The following PCDH9 variants were observed in gnomAD, a reference collection of about 807,000 sequenced individuals.
PCDH9 encodes the protein protocadherin-9.
Under a neutral mutation model 70.6 loss-of-function variants are expected in PCDH9, and 24 were observed. The observed-to-expected ratio is 0.34, with a 90% CI of 0.25 to 0.48. PCDH9 has a LOEUF of 0.48. PCDH9 is among the 20% of genes least tolerant of loss of function. PCDH9 has a pLI of 0.99. For missense variants in PCDH9, 1,281 were observed against 1,503.6 expected (o/e 0.85, Z 2.45); for synonymous variants, 562 against 558.5 (o/e 1.01, Z -0.09).
chr13:67,139,945 T>C (rs891874182), intron 2 of PCDH9, among the ~76,000 whole-genome samples: 1 of 151,944 alleles, frequency 6.6e-6, no homozygotes, highest in Non-Finnish European at 1.5e-5. Context: ...AGAATAGTTT[T>C]CTTTCTCTGA....
chr13:66,690,456 G>A (rs1464728374), intron 3 of PCDH9, among the ~76,000 whole-genome samples: 1 of 152,078 alleles, frequency 6.6e-6, no homozygotes, highest in Non-Finnish European at 1.5e-5. Flanking sequence ...ACATTTGCTT[G>A]ATATTAGGGT....
chr13:66,374,503 C>G (rs998877481), intron 4 of PCDH9, among the ~76,000 whole-genome samples: 6 of 152,058 alleles, frequency 3.9e-5, no homozygotes, highest in Admixed American at 6.6e-5. Context: ...GCTTGGTACT[C>G]TACACGTTAT....
At chr13:67,224,797 C>A (rs1174634300) in intron 2 of PCDH9, 6 of 866,624 alleles carry the variant, frequency 6.9e-6, no homozygotes, top group Non-Finnish European at 4.1e-6. Flanking sequence ...TATTAAGTAC[C>A]GAATTTAATA....
chr13:66,730,899 T>TG (rs1593967320), intron 3 of PCDH9, among the ~76,000 whole-genome samples: 1 of 142,182 alleles, frequency 7.0e-6, no homozygotes, highest in Non-Finnish European at 1.5e-5. Flanking sequence ...TTGTTTCTTT[T>TG]TTTTTGTGGA....
intron 4 of PCDH9, among the ~76,000 whole-genome samples, chr13:66,560,982 A>AGT (rs1961988365): frequency 6.6e-6 from 1 of 152,210 alleles, no homozygotes; most frequent in African/African-American, 2.4e-5. Flanking sequence ...GGAGCCCTTC[A>AGT]GCCTGCCGCT....
At chr13:66,748,340 T>C (rs1009541307) in intron 3 of PCDH9, among the ~76,000 whole-genome samples, 1 of 152,182 alleles carries the variant, frequency 6.6e-6, no homozygotes, top group Non-Finnish European at 1.5e-5. Context: ...TTTTATGCAT[T>C]TGTCAAAAGT....
At chr13:66,994,789 A>T (rs2084077179) in intron 2 of PCDH9, among the ~76,000 whole-genome samples, 1 of 152,166 alleles carries the variant, frequency 6.6e-6, no homozygotes, top group South Asian at 2.1e-4. Flanking sequence ...AACTGTACTG[A>T]CTTTTTACCC....
At chr13:66,865,917 A>G (rs1226935052) in intron 3 of PCDH9, among the ~76,000 whole-genome samples, 3 of 152,186 alleles carry the variant, frequency 2.0e-5, no homozygotes, top group Non-Finnish European at 2.9e-5. Flanking sequence ...TGTAGAATTC[A>G]AGGCTATCCT....
intron 3 of PCDH9, among the ~76,000 whole-genome samples, chr13:66,867,241 A>G (rs531095303): frequency 6.6e-6 from 1 of 152,216 alleles, no homozygotes; most frequent in South Asian, 2.1e-4. Flanking sequence ...CCATTATACT[A>G]TTTCCCAGTT....
chr13:67,222,933 AT>A (rs910567448), intron 2 of PCDH9: 7 of 152,206 alleles, frequency 4.6e-5, no homozygotes, highest in Admixed American at 3.3e-4. Context: ...ATCCAAAAAA[AT>A]GTACATATTA....
intron 3 of PCDH9, among the ~76,000 whole-genome samples, chr13:66,758,166 G>A (rs894313154): frequency 3.3e-5 from 5 of 151,926 alleles, no homozygotes; most frequent in Non-Finnish European, 5.9e-5. Flanking sequence ...GTTAAATCTA[G>A]CTATTTAACA....
chr13:67,225,076 C>T, intron 2 of PCDH9: 1 of 1,159,288 alleles, frequency 8.6e-7, no homozygotes, highest in Non-Finnish European at 1.1e-6. Context: ...ATTTGGAAAC[C>T]CCCAGGAGCA....
intron 2 of PCDH9, among the ~76,000 whole-genome samples, chr13:67,157,023 TTGTATTATA>T (rs2087831792): frequency 6.6e-6 from 1 of 152,236 alleles, no homozygotes; most frequent in African/African-American, 2.4e-5. Flanking sequence ...TGTTAAATAC[TTGTATTATA>T]ATATTTTATC....
At chr13:66,336,860 G>T (rs1956046270) in intron 4 of PCDH9, among the ~76,000 whole-genome samples, 1 of 151,948 alleles carries the variant, frequency 6.6e-6, no homozygotes, top group African/African-American at 2.4e-5. Context: ...TTTTAAGCAA[G>T]TAAATATAGG....
At chr13:66,868,079 G>A (rs1426311757) in intron 3 of PCDH9, among the ~76,000 whole-genome samples, 1 of 151,856 alleles carries the variant, frequency 6.6e-6, no homozygotes, top group Non-Finnish European at 1.5e-5. Flanking sequence ...CTGATTTACT[G>A]TCATAATATA....
intron 4 of PCDH9, among the ~76,000 whole-genome samples, chr13:66,595,867 C>A (rs551090946): frequency 6.6e-6 from 1 of 151,228 alleles, no homozygotes; most frequent in Non-Finnish European, 1.5e-5. Flanking sequence ...TAAACACCAG[C>A]GTAAAGTAAG....
At chr13:66,594,596 C>A (rs1405220266) in intron 4 of PCDH9, among the ~76,000 whole-genome samples, 1 of 151,172 alleles carries the variant, frequency 6.6e-6, no homozygotes, top group Non-Finnish European at 1.5e-5. Context: ...TTTGCTACAC[C>A]TGTCAACCCA....
intron 4 of PCDH9, among the ~76,000 whole-genome samples, chr13:66,368,573 G>GTATA (rs147768914): frequency 6.7e-6 from 1 of 150,278 alleles, no homozygotes; most frequent in Non-Finnish European, 1.5e-5. Flanking sequence ...GTATATTCGT[G>GTATA]TATATATATA....
chr13:66,719,589 T>C (rs2078915157), intron 3 of PCDH9, among the ~76,000 whole-genome samples: 2 of 152,214 alleles, frequency 1.3e-5, no homozygotes, highest in Non-Finnish European at 2.9e-5. Context: ...ATCTGTTTTT[T>C]TAATACATTA....
Sources: allele counts gnomAD v4.1 joint callset (sites outside exome capture counted in the v4.1 genomes callset), GRCh38; gene constraint gnomAD v4.1.1; transcripts MANE v1.5; gene names NCBI Gene and HGNC (gene_info 2026-07-23, HGNC 2026-07-21).